Variants in ARHGAP42 observed in about 807,000 individuals in gnomAD.
The protein encoded by ARHGAP42 is Rho GTPase activating protein 42.
ARHGAP42 carries 63 observed loss-of-function variants against 125.0 expected under a neutral mutation model. That is an observed-to-expected ratio of 0.50 (90% confidence interval 0.41 to 0.62). The LOEUF is 0.62. ARHGAP42 is among the 20% of genes least tolerant of loss of function. The pLI is 0.00. For missense variants in ARHGAP42, 766 were observed against 1,024.2 expected, an observed-to-expected ratio of 0.75 and a Z score of 3.44; for synonymous variants, 339 against 351.0, an observed-to-expected ratio of 0.97 and a Z score of 0.38.
At chr11:100,970,593 AC>A (rs1273245507) in intron 17 of ARHGAP42, among the ~76,000 whole-genome samples, 9 of 152,046 alleles carry the variant, frequency 5.9e-5, no homozygotes, top group African/African-American at 1.7e-4. Flanking sequence ...TAAAAAAAAA[AC>A]AAACAGTCTT....
At chr11:100,822,457 G>A (rs544147495) in intron 3 of ARHGAP42, among the ~76,000 whole-genome samples, 55 of 152,180 alleles carry the variant, frequency 3.6e-4, no homozygotes, top group African/African-American at 1.3e-3. Flanking sequence ...ATTACTGTTT[G>A]TTTCACTGTT....
At chr11:100,748,372 A>C (rs553880294) in intron 1 of ARHGAP42, among the ~76,000 whole-genome samples, 2 of 149,926 alleles carry the variant, frequency 1.3e-5, no homozygotes, top group Non-Finnish European at 2.9e-5. Flanking sequence ...TTTTCCCTCA[A>C]TCACCCGACT....
chr11:100,837,836 G>C (rs185348030), intron 3 of ARHGAP42, among the ~76,000 whole-genome samples: 12 of 149,280 alleles, frequency 8.0e-5, no homozygotes, highest in African/African-American at 2.9e-4. Flanking sequence ...GGCCATCTTG[G>C]ATTTAATTAG....
At chr11:100,810,879 G>A (rs1864123400) in intron 3 of ARHGAP42, among the ~76,000 whole-genome samples, 1 of 152,044 alleles carries the variant, frequency 6.6e-6, no homozygotes, top group African/African-American at 2.4e-5. Flanking sequence ...TTATAAATGA[G>A]GAGTGTTCAG....
At position 100,746,505 on chromosome 11, in the gene ARHGAP42, C is replaced by T. The variant is rs73575516; in HGVS notation, c.155-23838C>T. Among the ~76,000 whole-genome samples the T allele has an allele frequency of 9.3e-3, 1,410 of 152,348 alleles. 14 individuals carry two copies. The highest frequency in any genetic ancestry group is 0.032 in the African/African-American group (1,342 of 41,576). On this transcript the variant is annotated intron_variant, in intron 1 of 23. Transcript: ENST00000298815. ...AAGCATAACAATTGCCTTTGTTTAA[C>T]GTGTGGACGGAATATTAATCCATTT...
At chr11:100,921,201 TAATATATATATACATA>T (rs1425942663) in intron 5 of ARHGAP42, among the ~76,000 whole-genome samples, 1 of 61,172 alleles carries the variant, frequency 1.6e-5, no homozygotes, top group African/African-American at 6.3e-5. Context: ...ACCCCTCTTG[TAATATATATATACATA>T]TATATATATA....
intron 4 of ARHGAP42, among the ~76,000 whole-genome samples, chr11:100,904,483 A>T (rs993303665): frequency 3.3e-5 from 5 of 151,862 alleles, no homozygotes; most frequent in Admixed American, 3.3e-4. Context: ...CTGACCTCAG[A>T]TGATCCACCC....
intron 3 of ARHGAP42, among the ~76,000 whole-genome samples, chr11:100,825,833 T>G (rs2135084292): frequency 6.6e-6 from 1 of 152,364 alleles, no homozygotes; most frequent in South Asian, 2.1e-4. Flanking sequence ...TTTAGGCAGC[T>G]GTTTTTGAAA....
rs1866474376 is a variant in ARHGAP42 at position 100,899,677 on chromosome 11, TTG to T, written c.385-13773_385-13772del. Among the ~76,000 whole-genome samples the T allele has an allele frequency of 7.4e-5, 6 of 80,766 alleles. No individual in the cohort carries two copies. In the South Asian group the frequency reaches 6.6e-3, roughly 89 times the overall value. 53.0% of individuals were successfully genotyped at this position (80,766 alleles called of 152,430 possible). On this transcript the variant is annotated intron_variant, in intron 4 of 23. Coordinates refer to ENST00000298815, the MANE Select transcript of ARHGAP42 (RefSeq NM_152432.4). ...TAGGATTGTAGTCCCTGCTTTTTGT[TTG>T]TTTGTTTGTTTGTTTTGTTTTTTTT...
In ARHGAP42 at chr11:100,687,488, G is replaced by T. The variant is rs1378994091; in HGVS notation, c.-191G>T. 2.8e-5 allele frequency: 8 copies of T among 281,760 alleles called. No individual in the cohort carries two copies. In the East Asian group the frequency reaches 5.0e-4, roughly 18 times the overall value. The allele number at this position is 281,760 out of a possible 1,614,324, so 17.5% of individuals were successfully genotyped here. On this transcript the variant is annotated 5_prime_UTR_variant, in exon 1 of 24. Transcript: ENST00000298815. ...CCGCGCCTGCGCTCGCCTAGCCTCG[G>T]GGGAGGAAGACTGAGCCCGGCGCAG... is the stretch of plus-strand genomic sequence containing the variant.
At chr11:100,912,212 C>G (rs1866941102) in intron 4 of ARHGAP42, among the ~76,000 whole-genome samples, 1 of 152,120 alleles carries the variant, frequency 6.6e-6, no homozygotes, top group African/African-American at 2.4e-5. Context: ...TTTTCCTTCT[C>G]TTCAATTAGG....
chr11:100,724,321 A>G (rs1306927758), intron 1 of ARHGAP42, among the ~76,000 whole-genome samples: 2 of 152,024 alleles, frequency 1.3e-5, no homozygotes, highest in African/African-American at 4.8e-5. Context: ...TGTTAGGGTA[A>G]TACTGTTCTC....
chr11:100,746,343 A>G (rs1479842947), intron 1 of ARHGAP42, among the ~76,000 whole-genome samples: 1 of 152,174 alleles, frequency 6.6e-6, no homozygotes, highest in Non-Finnish European at 1.5e-5. Flanking sequence ...GATATAGCAG[A>G]GAGAGACATT....
intron 3 of ARHGAP42, among the ~76,000 whole-genome samples, chr11:100,816,555 G>C (rs1219284937): frequency 6.6e-6 from 1 of 152,124 alleles, no homozygotes. Flanking sequence ...TTTTTACTGT[G>C]CATTTTAAGA....
At chr11:100,820,627 A>G (rs1246454212) in intron 3 of ARHGAP42, among the ~76,000 whole-genome samples, 2 of 152,180 alleles carry the variant, frequency 1.3e-5, no homozygotes, top group Non-Finnish European at 2.9e-5. Context: ...TAGTAATTTC[A>G]TATTATTTTA....
At chr11:100,778,016 A>C (rs921182789) in intron 2 of ARHGAP42, among the ~76,000 whole-genome samples, 1 of 152,232 alleles carries the variant, frequency 6.6e-6, no homozygotes, top group African/African-American at 2.4e-5. Flanking sequence ...TTCTATAAAA[A>C]GTAAAAATTT....
intron 5 of ARHGAP42, among the ~76,000 whole-genome samples, chr11:100,915,702 G>C (rs1462809578): frequency 2.6e-5 from 4 of 152,184 alleles, no homozygotes; most frequent in Admixed American, 2.6e-4. Flanking sequence ...GAAGATAATA[G>C]CATAGTAACA....
At chr11:100,810,733 G>A (rs1051280655) in intron 3 of ARHGAP42, among the ~76,000 whole-genome samples, 3 of 152,144 alleles carry the variant, frequency 2.0e-5, no homozygotes, top group Admixed American at 6.5e-5. Flanking sequence ...AGAATACTAT[G>A]TAAGTGATGC....
At chr11:100,942,575 G>A (rs943577783) in intron 9 of ARHGAP42, among the ~76,000 whole-genome samples, 3 of 152,118 alleles carry the variant, frequency 2.0e-5, no homozygotes, top group African/African-American at 7.2e-5. Context: ...GAAGCTGGGA[G>A]TTACACTAGA....
Sources: allele counts gnomAD v4.1 joint callset (sites outside exome capture counted in the v4.1 genomes callset), GRCh38; gene constraint gnomAD v4.1.1; transcripts MANE v1.5; gene names NCBI Gene and HGNC (gene_info 2026-07-23, HGNC 2026-07-21).